MALRD1: variants seen among roughly 807,000 people sequenced by gnomAD.
MALRD1 encodes the protein MAM and LDL-receptor class A domain-containing protein 1.
Under a neutral mutation model 242.1 loss-of-function variants are expected in MALRD1, and 247 were observed. The ratio of observed to expected loss-of-function variants is 1.02; its 90% CI spans 0.92 to 1.13. The LOEUF (loss-of-function observed/expected upper bound fraction) is 1.13. Ranked by LOEUF, MALRD1 falls within the 50% of genes most tolerant of loss-of-function variation. The probability of loss-of-function intolerance (pLI) is 0.00; values close to 1 mark genes in which losing one functional copy is unlikely to be tolerated. For missense variants in MALRD1, 2,989 were observed against 2,533.1 expected (o/e 1.18, Z -3.86); for synonymous variants, 995 against 866.6 (o/e 1.15, Z -2.60).
chr10:19,277,333 C>G (rs1840580515), intron 19 of MALRD1, among the ~76,000 whole-genome samples: 1 of 152,146 alleles, frequency 6.6e-6, no homozygotes, highest in South Asian at 2.1e-4. Flanking sequence ...TCATTTCAAA[C>G]TCACCCCTAA....
intron 19 of MALRD1, among the ~76,000 whole-genome samples, chr10:19,265,891 G>T (rs1174529126): frequency 1.3e-5 from 2 of 151,476 alleles, no homozygotes; most frequent in South Asian, 4.2e-4. Flanking sequence ...ATACATTTGG[G>T]TTCTCTCATA....
At chr10:19,273,397 C>T (rs774181000) in intron 19 of MALRD1, among the ~76,000 whole-genome samples, 14 of 152,074 alleles carry the variant, frequency 9.2e-5, no homozygotes, top group African/African-American at 2.7e-4. Context: ...TAGTATTTAC[C>T]CAAATGAGTA....
chr10:19,521,893 CATT>C (rs1403144481), intron 31 of MALRD1, among the ~76,000 whole-genome samples: 2 of 152,130 alleles, frequency 1.3e-5, no homozygotes, highest in East Asian at 1.9e-4. Flanking sequence ...TTGTCATCAT[CATT>C]GTTAACACTG....
chr10:19,056,780 T>G (rs1834681794), intron 1 of MALRD1, among the ~76,000 whole-genome samples: 1 of 152,186 alleles, frequency 6.6e-6, no homozygotes, highest in Admixed American at 6.5e-5. Context: ...GCAAGAAAAG[T>G]TTTTAACATT....
At chr10:19,249,856 C>T (rs182305647) in intron 18 of MALRD1, among the ~76,000 whole-genome samples, 4 of 151,522 alleles carry the variant, frequency 2.6e-5, no homozygotes, top group East Asian at 1.9e-4. Context: ...AGGTTTAAGT[C>T]GAGTTTAAAT....
At chr10:19,124,746 A>G (rs992740266) in intron 7 of MALRD1, 76 bp downstream of exon 7, 2 of 1,156,166 alleles carry the variant, frequency 1.7e-6, no homozygotes, top group Admixed American at 4.2e-5. Flanking sequence ...AAGACATTAC[A>G]TAGGAGGCCT....
intron 29 of MALRD1, among the ~76,000 whole-genome samples, chr10:19,466,521 C>T (rs1029173896): frequency 3.3e-5 from 5 of 152,140 alleles, no homozygotes; most frequent in African/African-American, 1.2e-4. Flanking sequence ...TTAACTTTCT[C>T]ACAGTTCTGG....
chr10:19,153,534 A>C (rs995796799), intron 11 of MALRD1, among the ~76,000 whole-genome samples: 1 of 152,006 alleles, frequency 6.6e-6, no homozygotes, highest in Non-Finnish European at 1.5e-5. Context: ...TCCTACAAAA[A>C]AATTTAAAAA....
In MALRD1 at chr10:19,283,177, A is replaced by T; in HGVS notation, c.3415A>T (p.Thr1139Ser). Reference protein sequence around the residue: ...EENHRPSVDHTQNTTDGWYLY... With the variant: ...EENHRPSVDHSQNTTDGWYLY... ...AAACCACAGGCCATCAGTGGATCAT[A>T]CACAGTAAGTGACCATGTATTTTGA... The change falls in exon 21 of 40, where the codon ACA (threonine) becomes TCA (serine). Residue 1139 changes from threonine (T) to serine (S), a missense_variant. Thr to Ser is a moderately conservative substitution (Grantham distance 58). Transcript: ENST00000454679. The T allele has an allele frequency of 1.3e-6, 2 of 1,539,804 alleles. No individual in the cohort carries two copies. Among genetic ancestry groups the T allele is most frequent in the Non-Finnish European group, 1.8e-6 (2 of 1,141,444 alleles).
intron 18 of MALRD1, among the ~76,000 whole-genome samples, chr10:19,235,613 A>AGAGC (rs769851042): frequency 1.1e-4 from 16 of 143,848 alleles, no homozygotes; most frequent in South Asian, 6.6e-4. Flanking sequence ...AGAGAGAGAG[A>AGAGC]GCGCCTAGGT....
At chr10:19,398,321 G>T (rs1047558481) in intron 28 of MALRD1, among the ~76,000 whole-genome samples, 1 of 152,114 alleles carries the variant, frequency 6.6e-6, no homozygotes, top group Non-Finnish European at 1.5e-5. Flanking sequence ...GGTTAGGAAA[G>T]AATGAATTAG....
At chr10:19,625,899 C>A (rs534147380) in intron 36 of MALRD1, among the ~76,000 whole-genome samples, 8 of 152,140 alleles carry the variant, frequency 5.3e-5, no homozygotes, top group African/African-American at 1.9e-4. Context: ...AAATTTAAGA[C>A]CATGGCCTCT....
chr10:19,644,597 A>G (rs146800570), intron 36 of MALRD1, among the ~76,000 whole-genome samples: 185 of 152,340 alleles, frequency 1.2e-3, no homozygotes, highest in African/African-American at 4.1e-3. Flanking sequence ...AAAGATAAGC[A>G]CTTTCCAAGA....
intron 28 of MALRD1, among the ~76,000 whole-genome samples, chr10:19,403,069 A>C (rs1846939715): frequency 6.6e-6 from 1 of 152,170 alleles, no homozygotes; most frequent in African/African-American, 2.4e-5. Context: ...AAAATATGTG[A>C]ACCTATAATA....
chr10:19,287,177 T>C (rs1399846153), intron 21 of MALRD1, among the ~76,000 whole-genome samples: 4 of 152,166 alleles, frequency 2.6e-5, no homozygotes, highest in Non-Finnish European at 4.4e-5. Context: ...ATTCCTTCAG[T>C]AATATCAATC....
chr10:19,485,069 A>T (rs1379380705), intron 29 of MALRD1, among the ~76,000 whole-genome samples: 1 of 152,214 alleles, frequency 6.6e-6, no homozygotes, highest in East Asian at 1.9e-4. Flanking sequence ...GAAGTAACTC[A>T]GGAATGGAAA....
chr10:19,710,107 C>G (rs1296158378), intron 38 of MALRD1, among the ~76,000 whole-genome samples: 2 of 152,028 alleles, frequency 1.3e-5, no homozygotes, highest in African/African-American at 4.8e-5. Flanking sequence ...TCTGAATAAC[C>G]AAACCAAACC....
intron 36 of MALRD1, among the ~76,000 whole-genome samples, chr10:19,649,492 T>C (rs1220801261): frequency 6.6e-6 from 1 of 152,212 alleles, no homozygotes; most frequent in African/African-American, 2.4e-5. Flanking sequence ...ATCAGTGATA[T>C]TGAGCTTCTT....
At chr10:19,100,927 GAA>G (rs1409563515) in intron 4 of MALRD1, among the ~76,000 whole-genome samples, 1 of 151,972 alleles carries the variant, frequency 6.6e-6, no homozygotes, top group Non-Finnish European at 1.5e-5. Flanking sequence ...CTATCTCTAT[GAA>G]AAAGCTTTCA....
Sources: allele counts gnomAD v4.1 joint callset (sites outside exome capture counted in the v4.1 genomes callset), GRCh38; gene constraint gnomAD v4.1.1; transcripts MANE v1.5; gene names NCBI Gene and HGNC (gene_info 2026-07-23, HGNC 2026-07-21).